DUXA: variants seen among roughly 807,000 people sequenced by gnomAD.
The protein encoded by DUXA is double homeobox protein A.
DUXA carries 25 observed loss-of-function variants against 27.5 expected under a neutral mutation model. The observed-to-expected ratio is 0.91, with a 90% CI of 0.66 to 1.27. The LOEUF is 1.27. Ranked by LOEUF, DUXA falls within the 50% of genes most tolerant of loss-of-function variation. The pLI is 0.00. For missense variants in DUXA, 247 were observed against 242.9 expected (o/e 1.02, Z -0.11); for synonymous variants, 90 against 80.5 (o/e 1.12, Z -0.63).
rs201120927 is a variant in DUXA at position 57,155,245 on chromosome 19, T to C, written c.544+22A>G. ...CCAAGGGCTCCGCTTGTGAACCACA[T>C]TGGAAACAACAGGCTAGTTACCTTG... On this transcript the variant is annotated intron_variant, in intron 5 of 5. Transcript: ENST00000554048. The C allele has an allele frequency of 2.6e-4, 420 of 1,608,122 alleles. 3 individuals are homozygous for C. The African/African-American group carries it at 4.2e-3, about 16-fold the overall frequency.
chr19:57,165,320 A>ATATATATATATATATATATAT (rs1380503736), intron 1 of DUXA, among the ~76,000 whole-genome samples: 20 of 96,596 alleles, frequency 2.1e-4, no homozygotes, highest in African/African-American at 4.0e-4. Flanking sequence ...AAAAAAAAAA[A>ATATATATATATATATATATAT]AAAAATATAT....
At chr19:57,161,404 A>G (rs1209913411) in intron 1 of DUXA, among the ~76,000 whole-genome samples, 2 of 147,362 alleles carry the variant, frequency 1.4e-5, no homozygotes, top group African/African-American at 5.1e-5. Context: ...CGGGCGGATC[A>G]CAAGGTCAGG....
chr19:57,160,286 T>G (rs1476169801), intron 2 of DUXA, among the ~76,000 whole-genome samples: 2 of 152,096 alleles, frequency 1.3e-5, no homozygotes, highest in Admixed American at 1.3e-4. Context: ...AAAATAAAAA[T>G]AAAAGATTGG....
intron 3 of DUXA, 91 bp downstream of exon 3, chr19:57,159,076 C>T: frequency 9.3e-7 from 1 of 1,079,214 alleles, no homozygotes. Flanking sequence ...AACAGGAGGT[C>T]ATCAGGGAGG....
chr19:57,163,440 C>CCT (rs2087034648), intron 1 of DUXA, among the ~76,000 whole-genome samples: 2 of 94,946 alleles, frequency 2.1e-5, no homozygotes, highest in African/African-American at 4.3e-5. Context: ...AGAGTCACAT[C>CCT]CTCTCTCTTT....
At chr19:57,165,803 CAAAAAA>C in intron 1 of DUXA, among the ~76,000 whole-genome samples, 2 of 95,848 alleles carry the variant, frequency 2.1e-5, no homozygotes, top group Middle Eastern at 0.011. Context: ...AGACTCCTCT[CAAAAAA>C]AAAAAAAAAA....
Position 57,155,358 on chromosome 19 carries a change from A to G in DUXA, c.453T>C (p.Asn151=), listed in dbSNP as rs1241569616. 4 of 1,614,054 alleles carry G rather than the reference A, an allele frequency of 2.5e-6. No individual in the cohort carries two copies. Among genetic ancestry groups the G allele is most frequent in the East Asian group, 4.5e-5 (2 of 44,888 alleles). Residue 151 remains asparagine, a synonymous_variant, in exon 5 of 6, where the codon AAT becomes AAC. Coordinates refer to ENST00000554048, the MANE Select transcript of DUXA (RefSeq NM_001012729.2). ...PESRVQIWFQ[N]RRSRLLLQRK... ...TCTGGAGAAGTAATCTAGATCTTCG[A>G]TTTTGGAACCAAATCTAAGTGGTAA...
chr19:57,159,248 C>T lies in DUXA; in HGVS notation c.211G>A (p.Gly71Arg), dbSNP rs200454436. Residue 71 changes from glycine (G) to arginine (R), a missense_variant, in exon 3 of 6, where the codon GGA becomes AGA. Transcript: ENST00000554048. ...TCAGCTTCTGGTCTTTTCTGGAATC[C>T]GTGCCTAGCTCTTCGATTCTGAAAC... ...IWFQNRRARH[G>R]FQKRPEAETL... is the part of the protein sequence containing the mutation. 1.8e-4 allele frequency: 284 copies of T among 1,613,908 alleles called. No individual in the cohort carries two copies. The highest frequency in any genetic ancestry group is 2.3e-4 in the Non-Finnish European group (268 of 1,180,006).
chr19:57,161,293 C>T (rs1267168031), intron 1 of DUXA, among the ~76,000 whole-genome samples: 1 of 136,122 alleles, frequency 7.3e-6, no homozygotes, highest in Non-Finnish European at 1.5e-5. Flanking sequence ...CCATTGCACT[C>T]CAGCCTGGGT....
chr19:57,165,730 G>A (rs980057985), intron 1 of DUXA, among the ~76,000 whole-genome samples: 3 of 150,230 alleles, frequency 2.0e-5, no homozygotes, highest in Admixed American at 6.7e-5. Context: ...GCATGAACCC[G>A]GGAGGCAGAG....
At chr19:57,163,541 T>C (rs763324369) in intron 1 of DUXA, among the ~76,000 whole-genome samples, 2 of 152,098 alleles carry the variant, frequency 1.3e-5, no homozygotes, top group African/African-American at 2.4e-5. Flanking sequence ...TCTCCTGGGT[T>C]CAAGTGATTC....
intron 1 of DUXA, among the ~76,000 whole-genome samples, chr19:57,164,629 T>C (rs1277364560): frequency 1.4e-5 from 2 of 147,058 alleles, no homozygotes; most frequent in African/African-American, 5.0e-5. Context: ...GACTGTAGGA[T>C]TTTGGTGGAA....
chr19:57,162,710 G>C lies in DUXA; in HGVS notation c.26-1913C>G, dbSNP rs140509876. ...CTGCCTCAGCCTCCAAAGTAGCTGGGGTTACAGGCACGTGCCGCCACGCCT... is the reference window on the plus strand; with the variant it reads ...CTGCCTCAGCCTCCAAAGTAGCTGGCGTTACAGGCACGTGCCGCCACGCCT... On this transcript the variant is annotated intron_variant, in intron 1 of 5. Transcript: ENST00000554048. 1.2e-4 allele frequency among the ~76,000 whole-genome samples: 19 copies of C among 152,246 alleles called. No homozygotes were observed. The East Asian group carries it at 3.7e-3, about 29-fold the overall frequency.
chr19:57,160,970 T>A (rs911106570), intron 1 of DUXA, among the ~76,000 whole-genome samples, 173 bp from the exon 2 acceptor site: 5 of 152,078 alleles, frequency 3.3e-5, no homozygotes, highest in Non-Finnish European at 1.5e-5. Context: ...TTTTTCAACT[T>A]CTTTAGCTCA....
chr19:57,156,012 C>G (rs777230673), intron 4 of DUXA, among the ~76,000 whole-genome samples: 5 of 152,102 alleles, frequency 3.3e-5, no homozygotes, highest in Admixed American at 6.6e-5. Flanking sequence ...GTCTATAAGG[C>G]CTAAAGAGAA....
At chr19:57,155,676 C>CTTTTT (rs67029888) in intron 4 of DUXA, among the ~76,000 whole-genome samples, 1 of 15,768 alleles carries the variant, frequency 6.3e-5, no homozygotes, top group Non-Finnish European at 1.1e-4. Context: ...TAGATAGATA[C>CTTTTT]TTTTTTTTTT....
At chr19:57,160,882 T>C in intron 1 of DUXA, 85 bp from the exon 2 acceptor site, 1 of 1,481,790 alleles carries the variant, frequency 6.7e-7, no homozygotes, top group Non-Finnish European at 9.2e-7. Flanking sequence ...TCTCACTTCC[T>C]CTTCCCAAAT....
chr19:57,154,730 ATTGT>A (rs369136848), intron 5 of DUXA, among the ~76,000 whole-genome samples: 17 of 152,002 alleles, frequency 1.1e-4, no homozygotes, highest in African/African-American at 3.6e-4. Flanking sequence ...CGCTCGGCTA[ATTGT>A]TTGTATTTTT....
rs2086980624 is a variant in DUXA at position 57,154,463 on chromosome 19, A to C, written c.564T>G (p.Asn188Lys). Residue 188 changes from asparagine to lysine, a missense_variant, in exon 6 of 6, where the codon AAT (asparagine) becomes AAG (lysine). Physicochemically the swap from Asn to Lys is moderately conservative, Grantham distance 94. Coordinates refer to ENST00000554048, the MANE Select transcript of DUXA (RefSeq NM_001012729.2). ...EGLQGAEDTQ[N>K]GTNFTSDSHF... ...GAGAGTCACTAGTGAAGTTGGTGCC[A>C]TTTTGTGTATCTTCTGCACCTAAGG... The C allele has an allele frequency of 5.0e-6, 8 of 1,613,508 alleles. No individual in the cohort carries two copies. The highest frequency in any genetic ancestry group is 6.8e-6 in the Non-Finnish European group (8 of 1,179,680).
Sources: allele counts gnomAD v4.1 joint callset (sites outside exome capture counted in the v4.1 genomes callset), GRCh38; gene constraint gnomAD v4.1.1; transcripts MANE v1.5; gene names NCBI Gene and HGNC (gene_info 2026-07-23, HGNC 2026-07-21).